The following KIAA1191 variants were observed in gnomAD, a reference collection of about 807,000 sequenced individuals.
KIAA1191 encodes the protein KIAA1191, also known as putative monooxygenase p33MONOX.
A neutral mutation model predicts 31.1 loss-of-function variants in KIAA1191; 22 were observed. That is an observed-to-expected ratio of 0.71 (90% CI 0.51 to 1.01). KIAA1191 has a LOEUF of 1.01. KIAA1191 is among the 50% of genes least tolerant of loss of function. The pLI is 0.00. For synonymous variants in KIAA1191, 130 were observed against 143.9 expected (o/e 0.90, Z 0.69); for missense variants, 319 against 388.0 (o/e 0.82, Z 1.49).
Position 176,348,249 on chromosome 5 carries a change from C to G in KIAA1191, c.566+1G>C, listed in dbSNP as rs1168362162. The stretch of plus-strand genomic sequence containing the variant: ...TCGGAAGGGTCACAGGAAGGGCTCA[C>G]CTGGGCCTCTGCTTAGGTGAAGAGT... On this transcript the variant is annotated splice_donor_variant, in intron 7 of 8. Coordinates refer to ENST00000298569, the MANE Select transcript of KIAA1191 (RefSeq NM_020444.5). LOFTEE classifies it high-confidence loss of function. 6.2e-7 allele frequency: 1 copy of G among 1,613,520 alleles called. No individual in the cohort carries two copies. Among genetic ancestry groups the G allele is most frequent in the Non-Finnish European group, 8.5e-7 (1 of 1,179,746 alleles).
intron 6 of KIAA1191, among the ~76,000 whole-genome samples, chr5:176,350,002 G>A (rs1179034270): frequency 6.6e-6 from 1 of 152,196 alleles, no homozygotes; most frequent in East Asian, 1.9e-4. Context: ...GGCATCAGGA[G>A]ACTTGGGTTC....
Position 176,347,538 on chromosome 5 carries a change from C to T in KIAA1191, c.*62G>A, listed in dbSNP as rs772168009. The T allele has an allele frequency of 2.0e-4, 261 of 1,292,946 alleles. No homozygotes were observed. The highest frequency in any genetic ancestry group is 2.6e-4 in the Non-Finnish European group (250 of 962,558). The allele number at this position is 1,292,946 out of a possible 1,614,324, so 80.1% of individuals were successfully genotyped here. A position where few individuals can be genotyped will look rare whatever the true frequency, so the allele number is the denominator to read the frequency against. On this transcript the variant is annotated 3_prime_UTR_variant, in exon 9 of 9. Transcript: ENST00000298569. ...AAATATACCTTTCCTATGTCAAAGCCAAGGTAAAAGGGGAGTGGGATGCAA... is the reference window on the plus strand; with the variant it reads ...AAATATACCTTTCCTATGTCAAAGCTAAGGTAAAAGGGGAGTGGGATGCAA...
At position 176,346,133 on chromosome 5, in the gene KIAA1191, C is replaced by G. The variant is rs932734212; in HGVS notation, c.*1467G>C. 12 of 152,214 alleles carry G rather than the reference C, an allele frequency of 7.9e-5. No homozygotes were observed. In the East Asian group the frequency reaches 2.1e-3, roughly 27 times the overall value. The allele number at this position is 152,214 out of a possible 1,614,324, so 9.4% of individuals were successfully genotyped here. A position where few individuals can be genotyped will look rare whatever the true frequency, so the allele number is the denominator to read the frequency against. On this transcript the variant is annotated 3_prime_UTR_variant, in exon 9 of 9. Transcript: ENST00000298569. ...AGAAGACACAAATAAATTAATTGTT[C>G]TCATAATTTTAGACTCCAGGGCCTC...
rs1766548661 is a variant in KIAA1191 at position 176,346,868 on chromosome 5, A to G, written c.*732T>C. ...CTGGAGCACAGCACCAGTCATCAACAGGGCCAAAGTCGTCTTAGCGAGTCA... is the reference window on the plus strand; with the variant it reads ...CTGGAGCACAGCACCAGTCATCAACGGGGCCAAAGTCGTCTTAGCGAGTCA... On this transcript the variant is annotated 3_prime_UTR_variant, in exon 9 of 9. Coordinates refer to ENST00000298569, the MANE Select transcript of KIAA1191 (RefSeq NM_020444.5). The G allele has an allele frequency of 6.6e-6, 1 of 152,232 alleles. No homozygotes were observed. Among genetic ancestry groups the G allele is most frequent in the Non-Finnish European group, 1.5e-5 (1 of 68,038 alleles). The allele number at this position is 152,232 out of a possible 1,614,324, so 9.4% of individuals were successfully genotyped here.
intron 4 of KIAA1191, 62 bp from the exon 5 acceptor site, chr5:176,352,810 C>T (rs2113481535): frequency 3.3e-6 from 5 of 1,522,684 alleles, no homozygotes; most frequent in Non-Finnish European, 4.4e-6. Flanking sequence ...CACACCTAAA[C>T]TTACTCCTTT....
rs1323156864 is a variant in KIAA1191 at position 176,347,020 on chromosome 5, G to C, written c.*580C>G. ...AAGCAGTGATCAAAGTTCTTACCTA[G>C]GGTAAATGATGAAAAAAATAGGTAA... On this transcript the variant is annotated 3_prime_UTR_variant, in exon 9 of 9. Coordinates refer to ENST00000298569, the MANE Select transcript of KIAA1191 (RefSeq NM_020444.5). 3.3e-5 allele frequency: 5 copies of C among 152,130 alleles called. No homozygotes were observed. Among genetic ancestry groups the C allele is most frequent in the Non-Finnish European group, 7.3e-5 (5 of 68,040 alleles). The allele number at this position is 152,130 out of a possible 1,614,324, so 9.4% of individuals were successfully genotyped here.
intron 5 of KIAA1191, among the ~76,000 whole-genome samples, chr5:176,352,179 A>C (rs1432969703): frequency 6.9e-5 from 9 of 130,264 alleles, no homozygotes; most frequent in South Asian, 2.5e-4. Flanking sequence ...AAAAAAAAAA[A>C]CAAAAACTGG....
intron 3 of KIAA1191, among the ~76,000 whole-genome samples, chr5:176,358,961 G>A (rs1323257018): frequency 6.6e-6 from 1 of 151,762 alleles, no homozygotes; most frequent in Non-Finnish European, 1.5e-5. Flanking sequence ...GTGGGCGCCT[G>A]TAGTCCCAGC....
chr5:176,351,563 T>C, intron 5 of KIAA1191, among the ~76,000 whole-genome samples: 1 of 151,402 alleles, frequency 6.6e-6, no homozygotes, highest in Non-Finnish European at 1.5e-5. Context: ...TTTGAGACCA[T>C]CCTGCCCAAC....
chr5:176,347,808 C>T lies in KIAA1191; in HGVS notation c.710G>A (p.Gly237Glu), dbSNP rs569550871. Residue 237 changes from glycine (G) to glutamate (E), a missense_variant and splice_region_variant, in exon 9 of 9, where the codon GGA (glycine) becomes GAA (glutamate). Coordinates refer to ENST00000298569, the MANE Select transcript of KIAA1191 (RefSeq NM_020444.5). ...GPRSLQKYDS[G>E]SFATQAYRGA... ...TCGGTAGGCCTGGGTGGCAAAACTT[C>T]CTACAAAAGTGAACCAGAGTGCAAA... 54 of 1,599,890 alleles carry T rather than the reference C, an allele frequency of 3.4e-5. No homozygotes were observed. The South Asian group carries it at 6.0e-4, about 18-fold the overall frequency.
intron 5 of KIAA1191, among the ~76,000 whole-genome samples, chr5:176,351,081 A>G (rs914751230): frequency 2.0e-5 from 3 of 152,146 alleles, no homozygotes; most frequent in Non-Finnish European, 2.9e-5. Flanking sequence ...AGTAGCTCAC[A>G]CCTGTAATCC....
chr5:176,359,388 C>A, intron 3 of KIAA1191, 93 bp downstream of exon 3: 2 of 1,101,150 alleles, frequency 1.8e-6, no homozygotes, highest in Non-Finnish European at 2.8e-6. Context: ...CAGAGATTAA[C>A]CATTAATATA....
At chr5:176,360,754 T>C (rs1255183184) in intron 1 of KIAA1191, among the ~76,000 whole-genome samples, 1 of 151,700 alleles carries the variant, frequency 6.6e-6, no homozygotes, top group Non-Finnish European at 1.5e-5. Flanking sequence ...TGAGCCGAGA[T>C]CGAGCCACTG....
rs1391258816 is a variant in KIAA1191, at chr5:176,355,349, GAAC to G, written c.207+219_207+221del. Reference sequence around the variant, plus strand: ...TCACCACTATACAATTCATCCATGCGAACAACACCTCGGGTAACCCTAAAGCTA... The same window carrying G: ...TCACCACTATACAATTCATCCATGCGAACACCTCGGGTAACCCTAAAGCTA... On this transcript the variant is annotated intron_variant, in intron 4 of 8. Coordinates refer to ENST00000298569, the MANE Select transcript of KIAA1191 (RefSeq NM_020444.5). This position sits in a 1 kb window ranked among gnomAD's most constrained non-coding sequence, Gnocchi z 4.2. 2.0e-5 allele frequency among the ~76,000 whole-genome samples: 3 copies of G among 151,298 alleles called. No homozygotes were observed. Among genetic ancestry groups the G allele is most frequent in the Admixed American group, 6.6e-5 (1 of 15,188 alleles).
chr5:176,349,117 G>GC (rs562296318), intron 6 of KIAA1191: 52 of 152,346 alleles, frequency 3.4e-4, no homozygotes, highest in African/African-American at 1.2e-3. Context: ...TAATATTTCA[G>GC]CCATCCTCAT....
chr5:176,355,706 G>C lies in KIAA1191; in HGVS notation c.72C>G (p.Ile24Met). 6.2e-7 allele frequency: 1 copy of C among 1,613,926 alleles called. No homozygotes were observed. The highest frequency in any genetic ancestry group is 8.5e-7 in the Non-Finnish European group (1 of 1,180,040). ...AGCTGACTGCCCGGCGGTATATCCC[G>C]ATGGGCAGGGACATCTTGCCTAGAG... Reference protein sequence around the residue: ...SAPLGKMSLPIGIYRRAVSYD... With the variant: ...SAPLGKMSLPMGIYRRAVSYD... Residue 24 changes from isoleucine to methionine, a missense_variant, in exon 4 of 9, where the codon ATC becomes ATG. Ile to Met is a conservative substitution (Grantham distance 10). Coordinates refer to ENST00000298569, the MANE Select transcript of KIAA1191 (RefSeq NM_020444.5). The surrounding 1 kb of genome is among the most constrained non-coding windows in gnomAD (Gnocchi z 4.2).
chr5:176,351,866 TAAAC>T (rs887315731), intron 5 of KIAA1191, among the ~76,000 whole-genome samples: 3 of 151,884 alleles, frequency 2.0e-5, no homozygotes, highest in African/African-American at 4.8e-5. Context: ...CTGGAGAAGA[TAAAC>T]AAGGGCTTCT....
intron 1 of KIAA1191, among the ~76,000 whole-genome samples, chr5:176,360,153 A>ATTTTTTT (rs200839926): frequency 8.1e-6 from 1 of 123,078 alleles, no homozygotes; most frequent in Non-Finnish European, 1.7e-5. Context: ...CCCAATCCCA[A>ATTTTTTT]TTTTTTTTTT....
rs749767974 is a variant in KIAA1191, at chr5:176,348,351, T to C, written c.465A>G (p.Leu155=). The change falls in exon 7 of 9, where the codon CTA becomes CTG. Residue 155 remains leucine, a synonymous_variant. Coordinates refer to ENST00000298569, the MANE Select transcript of KIAA1191 (RefSeq NM_020444.5). ...YLRVAEALHK[L]KLQSGEVTKE... is the part of the protein sequence containing the mutation. ...TTGTTACCTCTCCACTCTGTAACTTTAGTTTCTGCTCAGATGGGTAAGAAG... is the reference window on the plus strand; with the variant it reads ...TTGTTACCTCTCCACTCTGTAACTTCAGTTTCTGCTCAGATGGGTAAGAAG... 5.0e-6 allele frequency: 8 copies of C among 1,612,472 alleles called. No individual in the cohort carries two copies. Among genetic ancestry groups the C allele is most frequent in the Middle Eastern group, 3.3e-4 (2 of 6,058 alleles).
Sources: gnomAD v4.1 joint callset for allele counts (sites outside exome capture counted in the v4.1 genomes callset) on GRCh38, gnomAD v4.1.1 for gene constraint, Gnocchi (gnomAD v3.1) non-coding constraint, MANE v1.5 for transcripts, NCBI Gene and HGNC (gene_info 2026-07-23, HGNC 2026-07-21) for gene names.